MAPK8IP3: variants seen among roughly 807,000 people sequenced by gnomAD.
The protein encoded by MAPK8IP3 is mitogen-activated protein kinase 8 interacting protein 3, also known as C-Jun-amino-terminal kinase-interacting protein 3.
MAPK8IP3 carries 49 observed loss-of-function variants against 157.8 expected under a neutral mutation model. That is an observed-to-expected ratio of 0.31 (90% CI 0.25 to 0.39). MAPK8IP3 has a LOEUF of 0.39. Ranked by LOEUF, MAPK8IP3 falls within the 10% of genes least tolerant of loss-of-function variation. The pLI, the probability that MAPK8IP3 is intolerant of heterozygous loss-of-function variation, is 1.00. For missense variants in MAPK8IP3, 1,478 were observed against 1,889.4 expected (o/e 0.78, Z 4.04); for synonymous variants, 897 against 777.7 (o/e 1.15, Z -2.55).
chr16:1,719,668 C>T (rs1460212669), intron 1 of MAPK8IP3, among the ~76,000 whole-genome samples: 6 of 51,124 alleles, frequency 1.2e-4, no homozygotes, highest in East Asian at 1.2e-3. Context: ...CCCATCTCTA[C>T]AAAAAAAAAA....
rs113865184 is a variant in MAPK8IP3 at position 1,737,346 on chromosome 16, C to T, written c.603-5986C>T. On this transcript the variant is annotated intron_variant, in intron 4 of 31. Transcript: ENST00000610761. ...CGTGTGAGCATCCGTGTGAGCGTGACCGTCCGTGAGTGTGTGACCGTCCGT... is the reference window on the plus strand; with the variant it reads ...CGTGTGAGCATCCGTGTGAGCGTGATCGTCCGTGAGTGTGTGACCGTCCGT... 3.1e-5 allele frequency among the ~76,000 whole-genome samples: 2 copies of T among 64,868 alleles called. 1 individual carries two copies. The highest frequency in any genetic ancestry group is 1.3e-4 in the African/African-American group (2 of 14,818). The allele number at this position is 64,868 out of a possible 152,430, so 42.6% of individuals were successfully genotyped here. A position where few individuals can be genotyped will look rare whatever the true frequency, so the allele number is the denominator to read the frequency against.
chr16:1,763,192 G>C (rs1188249459), intron 16 of MAPK8IP3, among the ~76,000 whole-genome samples, 186 bp downstream of exon 16: 1 of 152,232 alleles, frequency 6.6e-6, no homozygotes, highest in African/African-American at 2.4e-5. Context: ...GAGCTGGGCT[G>C]CTTTGGCTCC....
chr16:1,762,232 C>G, intron 13 of MAPK8IP3, 119 bp from the exon 14 acceptor site: 1 of 1,345,438 alleles, frequency 7.4e-7, no homozygotes, highest in Non-Finnish European at 9.9e-7. Flanking sequence ...CGCTTCTTGC[C>G]TGAGGATCTG....
chr16:1,732,076 C>T (rs919300234), intron 4 of MAPK8IP3, among the ~76,000 whole-genome samples: 1 of 152,182 alleles, frequency 6.6e-6, no homozygotes, highest in African/African-American at 2.4e-5. Flanking sequence ...AGCAGAGCAT[C>T]AGAGATCTTG....
chr16:1,715,170 A>G (rs7199735), intron 1 of MAPK8IP3, among the ~76,000 whole-genome samples: 41,549 of 152,032 alleles, frequency 0.27, 7,146 homozygotes, highest in African/African-American at 0.47. Context: ...GAACCCAGCC[A>G]TCCCTTTCAC....
rs570227311 is a variant in MAPK8IP3 at position 1,737,427 on chromosome 16, TGTGA to T, written c.603-5901_603-5898del. On this transcript the variant is annotated intron_variant, in intron 4 of 31. Transcript: ENST00000610761. ...GTGTGACCGTCCGTGTGAGCGTCCGTGTGAGTGTGTGAGCGTCCGTGTGAGTGTG... is the reference window on the plus strand; with the variant it reads ...GTGTGACCGTCCGTGTGAGCGTCCGTGTGTGTGAGCGTCCGTGTGAGTGTG... Among the ~76,000 whole-genome samples, 182 of 104,184 alleles carry T rather than the reference TGTGA, an allele frequency of 1.7e-3. 9 individuals carry two copies. Among genetic ancestry groups the T allele is most frequent in the African/African-American group, 5.9e-3 (153 of 26,074 alleles). 68.3% of individuals were successfully genotyped at this position (104,184 alleles called of 152,430 possible).
Position 1,766,605 on chromosome 16 carries a change from A to T in MAPK8IP3, c.2896A>T (p.Ser966Cys). 6.2e-7 allele frequency: 1 copy of T among 1,612,462 alleles called. No individual in the cohort carries two copies. Among genetic ancestry groups the T allele is most frequent in the East Asian group, 2.2e-5 (1 of 44,868 alleles). Residue 966 changes from serine (S) to cysteine (C), a missense_variant, in exon 23 of 32, where the codon AGC becomes TGC. Physicochemically the swap from Ser to Cys is moderately radical, Grantham distance 112 (BLOSUM62 -1). Around this residue, in one of 11 missense-constraint regions of MAPK8IP3, gnomAD observed 669 missense variants for 759.8 expected, o/e 0.88. Transcript: ENST00000610761. ...CAGCGGGGACCCCACGGGAGCAGGC[A>T]GCAGTGCTGCACCCACCATGTGGCT... ...EPSGDPTGAGSSAAPTMWLGA... is the reference protein window; with the variant it reads ...EPSGDPTGAGCSAAPTMWLGA...
At chr16:1,752,483 C>A in intron 8 of MAPK8IP3, 1 of 365,250 alleles carries the variant, frequency 2.7e-6, no homozygotes, top group Non-Finnish European at 5.4e-6. Context: ...TCACTCACAC[C>A]TGTAATCCCA....
At chr16:1,719,289 GAA>G (rs76576576) in intron 1 of MAPK8IP3, among the ~76,000 whole-genome samples, 4 of 136,474 alleles carry the variant, frequency 2.9e-5, no homozygotes, top group Admixed American at 1.5e-4. Flanking sequence ...TCTTTAAAAA[GAA>G]AAAAAAAAAA....
chr16:1,753,936 G>A (rs1263588060), intron 8 of MAPK8IP3, among the ~76,000 whole-genome samples: 1 of 151,844 alleles, frequency 6.6e-6, no homozygotes, highest in Non-Finnish European at 1.5e-5. Context: ...CACTCTGGGA[G>A]GCCGAGGCGG....
intron 4 of MAPK8IP3, among the ~76,000 whole-genome samples, chr16:1,732,471 G>A (rs1028141194): frequency 1.3e-4 from 20 of 152,250 alleles, no homozygotes; most frequent in Non-Finnish European, 2.8e-4. Context: ...GTCTCTGGAC[G>A]TGAGAGCAAA....
In MAPK8IP3 at chr16:1,706,779, T is replaced by TGGACCCCC. The variant is rs1430074339; in HGVS notation, c.318+123_318+130dup. On this transcript the variant is annotated intron_variant, in intron 1 of 31. Coordinates refer to ENST00000610761, the MANE Select transcript of MAPK8IP3 (RefSeq NM_001318852.2). The surrounding 1 kb of genome is among the most constrained non-coding windows in gnomAD (Gnocchi z 5.1). ...CCGGCACCCCGGACCGCGGGACCCC[T>TGGACCCCC]GGACCCCCAGACCCCGCCCCGAGAC... 1 of 1,029,510 alleles carries TGGACCCCC rather than the reference T, an allele frequency of 9.7e-7. No homozygotes were observed. The highest frequency in any genetic ancestry group is 3.4e-5 in the African/African-American group (1 of 29,768). The allele number at this position is 1,029,510 out of a possible 1,614,324, so 63.8% of individuals were successfully genotyped here. A position where few individuals can be genotyped will look rare whatever the true frequency, so the allele number is the denominator to read the frequency against.
intron 4 of MAPK8IP3, among the ~76,000 whole-genome samples, chr16:1,735,692 T>C (rs73501648): frequency 0.28 from 35,094 of 123,548 alleles, 6,992 homozygotes; most frequent in African/African-American, 0.56. Flanking sequence ...TGTGAGCGTC[T>C]GTGTGCCTGT....
chr16:1,722,341 G>A (rs2038582340), intron 1 of MAPK8IP3, among the ~76,000 whole-genome samples: 1 of 152,164 alleles, frequency 6.6e-6, no homozygotes, highest in African/African-American at 2.4e-5. Context: ...TAACTGCACA[G>A]AATGAGTCAC....
At chr16:1,753,693 G>A (rs960902093) in intron 8 of MAPK8IP3, among the ~76,000 whole-genome samples, 11 of 150,630 alleles carry the variant, frequency 7.3e-5, no homozygotes, top group Admixed American at 2.0e-4. Context: ...CGCCCACCTC[G>A]GCCTCCCAAA....
At chr16:1,746,628 C>G (rs1178805966) in intron 5 of MAPK8IP3, 1 of 209,840 alleles carries the variant, frequency 4.8e-6, no homozygotes, top group African/African-American at 2.3e-5. Context: ...GCCAGCCCTT[C>G]TTGGGTCCCC....
In MAPK8IP3 at chr16:1,741,370, G is replaced by T. The variant is rs2040668946; in HGVS notation, c.603-1962G>T. Among the ~76,000 whole-genome samples, 1 of 152,142 alleles carries T rather than the reference G, an allele frequency of 6.6e-6. No individual in the cohort carries two copies. Among genetic ancestry groups the T allele is most frequent in the South Asian group, 2.1e-4 (1 of 4,832 alleles). On this transcript the variant is annotated intron_variant, in intron 4 of 31. Transcript: ENST00000610761. The surrounding 1 kb of genome is among the most constrained non-coding windows in gnomAD (Gnocchi z 6.9). ...AAGAGTGAAGGCAGCTCCTGATCCT[G>T]GGTGATTTCTGTCGGAGGTGGTGGC...
rs1043682978 is a variant in MAPK8IP3 at position 1,760,806 on chromosome 16, G to T, written c.1457+274G>T. Reference sequence around the variant, plus strand: ...TCCTCCAGCCCTTTGATCAGCCAAGGTTTGGCCACGGCCCCCGGAGAGCTG... The same window carrying T: ...TCCTCCAGCCCTTTGATCAGCCAAGTTTTGGCCACGGCCCCCGGAGAGCTG... On this transcript the variant is annotated intron_variant, in intron 12 of 31. Transcript: ENST00000610761. 2.6e-5 allele frequency among the ~76,000 whole-genome samples: 4 copies of T among 152,192 alleles called. No homozygotes were observed. In the East Asian group the frequency reaches 7.7e-4, roughly 29 times the overall value.
At chr16:1,716,249 A>G (rs114932203) in intron 1 of MAPK8IP3, among the ~76,000 whole-genome samples, 2,073 of 152,012 alleles carry the variant, frequency 0.014, 46 homozygotes, top group African/African-American at 0.047. Flanking sequence ...ATTCTATGGA[A>G]TACTGAAAAA....
Sources: gnomAD v4.1 joint callset for allele counts (sites outside exome capture counted in the v4.1 genomes callset) on GRCh38, gnomAD v4.1.1 for gene constraint, gnomAD v4.1.1 regional missense constraint, Gnocchi (gnomAD v3.1) non-coding constraint, MANE v1.5 for transcripts, NCBI Gene and HGNC (gene_info 2026-07-23, HGNC 2026-07-21) for gene names.